Variants in MIPEP observed in about 807,000 individuals in gnomAD.
MIPEP encodes the protein mitochondrial intermediate peptidase.
In MIPEP, 79 loss-of-function variants were observed where a neutral mutation model predicts 90.3. That is an observed-to-expected ratio of 0.87 (90% confidence interval 0.73 to 1.05). The LOEUF is 1.05. MIPEP is among the 50% of genes least tolerant of loss of function. MIPEP has a pLI of 0.00. For missense variants in MIPEP, 940 were observed against 905.6 expected, an observed-to-expected ratio of 1.04 and a Z score of -0.49; for synonymous variants, 334 against 315.8, an observed-to-expected ratio of 1.06 and a Z score of -0.61.
At chr13:23,767,472 G>A (rs1183628453) in intron 16 of MIPEP, among the ~76,000 whole-genome samples, 1 of 144,682 alleles carries the variant, frequency 6.9e-6, no homozygotes, top group African/African-American at 2.5e-5. Context: ...TTTTTTTTGA[G>A]ACGAAGTCTC....
chr13:23,750,752 T>C (rs1193801619), intron 18 of MIPEP, among the ~76,000 whole-genome samples: 1 of 152,238 alleles, frequency 6.6e-6, no homozygotes. Flanking sequence ...TGGGAGATTA[T>C]TCTATTCTAT....
At position 23,839,717 on chromosome 13, in the gene MIPEP, G is replaced by T; in HGVS notation, c.1270C>A (p.His424Asn). The change falls in exon 12 of 19, where the codon CAT (histidine) becomes AAT (asparagine). Residue 424 changes from histidine to asparagine, a missense_variant. By Grantham distance (68) the His-to-Asn change is moderately conservative (BLOSUM62 1). Coordinates refer to ENST00000382172, the MANE Select transcript of MIPEP (RefSeq NM_005932.4). ...TACCCCAACAATCCTTCAGATTCAT[G>T]AACAACAGCCTAGAAAAAAAAATTT... ...SEDVRKLAVVHESEGLLGYIY... is the reference protein window; with the variant it reads ...SEDVRKLAVVNESEGLLGYIY... 2 of 1,609,968 alleles carry T rather than the reference G, an allele frequency of 1.2e-6. No individual in the cohort carries two copies. Among genetic ancestry groups the T allele is most frequent in the South Asian group, 1.1e-5 (1 of 89,906 alleles).
chr13:23,835,665 T>C (rs989884050), intron 14 of MIPEP, among the ~76,000 whole-genome samples: 2 of 152,212 alleles, frequency 1.3e-5, no homozygotes, highest in South Asian at 2.1e-4. Flanking sequence ...AACAGCACAA[T>C]GTTGACAACT....
At chr13:23,756,724 G>A (rs556450328) in intron 17 of MIPEP, 106 bp from the exon 18 acceptor site, 44 of 1,065,600 alleles carry the variant, frequency 4.1e-5, no homozygotes, top group Admixed American at 1.1e-4. Context: ...CATAAAAGCT[G>A]CCACCATGTG....
intron 14 of MIPEP, among the ~76,000 whole-genome samples, chr13:23,821,405 A>G (rs746916803): frequency 6.6e-6 from 1 of 151,964 alleles, no homozygotes; most frequent in Non-Finnish European, 1.5e-5. Context: ...TTTTGTCACT[A>G]TAGAATCCCA....
chr13:23,820,086 A>G (rs768982429), intron 14 of MIPEP, among the ~76,000 whole-genome samples: 6 of 152,168 alleles, frequency 3.9e-5, no homozygotes, highest in Non-Finnish European at 5.9e-5. Flanking sequence ...TGTCTCCCCA[A>G]TGAGGTTTAC....
chr13:23,831,383 C>CGGGGGGGGGGGGGGGGGGGGGGGGG (rs1555237542), intron 14 of MIPEP, among the ~76,000 whole-genome samples: 3 of 40,838 alleles, frequency 7.3e-5, no homozygotes, highest in Non-Finnish European at 1.8e-4. Context: ...TTCCCCATGG[C>CGGGGGGGGGGGGGGGGGGGGGGGGG]GGGGGGGGGA....
At chr13:23,760,535 G>A (rs1441939962) in intron 16 of MIPEP, 3 of 563,544 alleles carry the variant, frequency 5.3e-6, no homozygotes, top group Non-Finnish European at 1.1e-5. Flanking sequence ...AAACTCACTG[G>A]TATCTTGGAA....
intron 10 of MIPEP, among the ~76,000 whole-genome samples, chr13:23,856,721 C>T (rs1870062337): frequency 6.6e-6 from 1 of 152,090 alleles, no homozygotes; most frequent in African/African-American, 2.4e-5. Flanking sequence ...GGACCAGATC[C>T]TGTTCTGGTC....
Position 23,889,372 on chromosome 13 carries a change from T to C in MIPEP, c.-52A>G. The C allele has an allele frequency of 4.8e-6, 6 of 1,240,470 alleles. No homozygotes were observed. Among genetic ancestry groups the C allele is most frequent in the Non-Finnish European group, 6.1e-6 (6 of 989,618 alleles). The allele number at this position is 1,240,470 out of a possible 1,614,324, so 76.8% of individuals were successfully genotyped here. A position where few individuals can be genotyped will look rare whatever the true frequency, so the allele number is the denominator to read the frequency against. On this transcript the variant is annotated 5_prime_UTR_variant, in exon 1 of 19. Coordinates refer to ENST00000382172, the MANE Select transcript of MIPEP (RefSeq NM_005932.4). ...CAACGCAGATCCCTGCCCTGCTGCT[T>C]TCGCTGGGAGCGCGCGCTCCGCGTT...
chr13:23,816,968 C>T (rs1432215605), intron 14 of MIPEP, among the ~76,000 whole-genome samples: 1 of 152,214 alleles, frequency 6.6e-6, no homozygotes, highest in Admixed American at 6.5e-5. Context: ...AACCTTTCCA[C>T]CCATGATCTG....
intron 16 of MIPEP, among the ~76,000 whole-genome samples, chr13:23,769,401 G>C (rs1316838643): frequency 6.6e-6 from 1 of 152,128 alleles, no homozygotes; most frequent in Non-Finnish European, 1.5e-5. Flanking sequence ...ATCCATGAAA[G>C]GAAAAATGGA....
intron 17 of MIPEP, among the ~76,000 whole-genome samples, chr13:23,759,830 A>G (rs552676830): frequency 6.6e-6 from 1 of 152,276 alleles, no homozygotes; most frequent in Non-Finnish European, 1.5e-5. Context: ...CCCTCATACA[A>G]GGGTTCCCTC....
chr13:23,883,828 C>T (rs6490839), intron 2 of MIPEP, among the ~76,000 whole-genome samples: 82,849 of 151,874 alleles, frequency 0.55, 22,788 homozygotes, highest in South Asian at 0.74. Context: ...CTCCTTTTGG[C>T]AGTGCGTTTC....
intron 10 of MIPEP, among the ~76,000 whole-genome samples, chr13:23,850,045 T>C (rs1032237178): frequency 6.6e-6 from 1 of 152,196 alleles, no homozygotes; most frequent in Non-Finnish European, 1.5e-5. Context: ...ACAGAGAACA[T>C]GTGCACCAAA....
chr13:23,807,133 C>T (rs915423713), intron 15 of MIPEP, among the ~76,000 whole-genome samples: 1 of 152,080 alleles, frequency 6.6e-6, no homozygotes, highest in South Asian at 2.1e-4. Context: ...ATATAGGCCA[C>T]TGAAACACAG....
At chr13:23,881,617 G>C in intron 3 of MIPEP, 82 bp downstream of exon 3, 2 of 1,239,148 alleles carry the variant, frequency 1.6e-6, no homozygotes, top group Non-Finnish European at 2.4e-6. Context: ...AAGCGCTATG[G>C]ACAAAACTGC....
chr13:23,848,150 C>T (rs746296566), intron 10 of MIPEP, among the ~76,000 whole-genome samples: 9 of 152,158 alleles, frequency 5.9e-5, no homozygotes, highest in Non-Finnish European at 8.8e-5. Flanking sequence ...AGTAGAAATA[C>T]TTTCCAGGCT....
At chr13:23,812,932 C>A (rs1953191048) in intron 14 of MIPEP, among the ~76,000 whole-genome samples, 1 of 152,088 alleles carries the variant, frequency 6.6e-6, no homozygotes, top group South Asian at 2.1e-4. Context: ...AGGACAGAAT[C>A]ATTAACTCAT....
Sources: gnomAD v4.1 joint callset for allele counts (sites outside exome capture counted in the v4.1 genomes callset) on GRCh38, gnomAD v4.1.1 for gene constraint, MANE v1.5 for transcripts, NCBI Gene and HGNC (gene_info 2026-07-23, HGNC 2026-07-21) for gene names.